C2: variants seen among roughly 807,000 people sequenced by gnomAD.
The protein encoded by C2 is C3/C5 convertase.
Under a neutral mutation model 85.2 loss-of-function variants are expected in C2, and 64 were observed. The observed-to-expected ratio is 0.75, with a 90% confidence interval of 0.61 to 0.92. The LOEUF (loss-of-function observed/expected upper bound fraction) is 0.92. C2 is among the 40% of genes least tolerant of loss of function. The pLI is 0.00. For missense variants in C2, 820 were observed against 971.6 expected (o/e 0.84, Z 2.07); for synonymous variants, 311 against 370.8 (o/e 0.84, Z 1.85).
rs775310958 is a variant in C2 at position 31,936,078 on chromosome 6, G to A, written c.988+17G>A. ...ACTATAAAGGTACGGGTGTCATCAC[G>A]TGATGGTGATGAGAGAGGAGAAGAT... On this transcript the variant is annotated intron_variant, in intron 7 of 17. Transcript: ENST00000299367. The A allele has an allele frequency of 1.5e-5, 24 of 1,612,006 alleles. No individual in the cohort carries two copies. The highest frequency in any genetic ancestry group is 2.7e-5 in the African/African-American group (2 of 74,884).
rs552860655 is a variant in C2 at position 31,904,547 on chromosome 6, C to T, written c.73+3408C>T. On this transcript the variant is annotated intron_variant, in intron 1 of 3. Coordinates refer to the C2 transcript ENST00000452202. This position sits in a 1 kb window ranked among gnomAD's most constrained non-coding sequence, Gnocchi z 4.4. ...CAGGCTGGTCTCGAACTCCTGACCTCGGGTGATCCACCTTGCTCAGCCTCC... is the reference window on the plus strand; with the variant it reads ...CAGGCTGGTCTCGAACTCCTGACCTTGGGTGATCCACCTTGCTCAGCCTCC... 4.6e-5 allele frequency among the ~76,000 whole-genome samples: 7 copies of T among 152,100 alleles called. No homozygotes were observed. In the East Asian group the frequency reaches 9.7e-4, roughly 21 times the overall value.
chr6:31,932,669 C>A (rs1042205742), intron 3 of C2, among the ~76,000 whole-genome samples: 2 of 150,400 alleles, frequency 1.3e-5, no homozygotes, highest in Non-Finnish European at 3.0e-5. Flanking sequence ...ACATCCCAGA[C>A]GATGGGTGGC....
chr6:31,943,956 T>C lies in C2; in HGVS notation c.1773T>C (p.Ala591=), dbSNP rs1441198891. 2 of 1,612,982 alleles carry C rather than the reference T, an allele frequency of 1.2e-6. No individual in the cohort carries two copies. Among genetic ancestry groups the C allele is most frequent in the Middle Eastern group, 3.3e-4 (2 of 6,062 alleles). Residue 591 remains alanine (A), a synonymous_variant, in exon 14 of 18, where the codon GCT becomes GCC. Coordinates refer to ENST00000299367, the MANE Select transcript of C2 (RefSeq NM_000063.6). This position sits in a 1 kb window ranked among gnomAD's most constrained non-coding sequence, Gnocchi z 6.4. The stretch of plus-strand genomic sequence containing the variant: ...CCTGCACGATGGAGGCCAATCTGGC[T>C]CTGCGGAGACCTCAAGGCAGCACCT... ...CLPCTMEANL[A]LRRPQGSTCR... is the part of the protein sequence containing the mutation.
rs1193733337 is a variant in C2, at chr6:31,927,941, T to A, written c.47-14T>A. On this transcript the variant is annotated splice_polypyrimidine_tract_variant and intron_variant, in intron 1 of 17. Coordinates refer to ENST00000299367, the MANE Select transcript of C2 (RefSeq NM_000063.6). The surrounding 1 kb of genome is among the most constrained non-coding windows in gnomAD (Gnocchi z 4.7). ...TCTTTCTCCATTGCTGTCTCCTTGT[T>A]CCCACGGCTCTAGGTCTGGCAGACT... The A allele has an allele frequency of 1.2e-6, 2 of 1,611,618 alleles. No homozygotes were observed. Among genetic ancestry groups the A allele is most frequent in the Non-Finnish European group, 1.7e-6 (2 of 1,177,648 alleles).
chr6:31,928,925 C>A lies in C2; in HGVS notation c.442+8C>A, dbSNP rs566854031. On this transcript the variant is annotated splice_region_variant and intron_variant, in intron 3 of 17. Coordinates refer to ENST00000299367, the MANE Select transcript of C2 (RefSeq NM_000063.6). ...CTGTGTGTGATAATGGGGGTGAGTT[C>A]TCTGGCTGATGGGCTACACAGGGGG... is the stretch of plus-strand genomic sequence containing the variant. The A allele has an allele frequency of 6.2e-7, 1 of 1,607,838 alleles. No individual in the cohort carries two copies. Among genetic ancestry groups the A allele is most frequent in the South Asian group, 1.1e-5 (1 of 90,214 alleles).
chr6:31,934,001 G>A (rs749839162), intron 5 of C2, 36 bp downstream of exon 5: 5 of 1,590,856 alleles, frequency 3.1e-6, no homozygotes, highest in South Asian at 1.1e-5. Context: ...GTTGAGCAGG[G>A]TGCTGGATCT....
In C2 at chr6:31,922,441, C is replaced by G. The variant is rs1240955046; in HGVS notation, c.-100+2415C>G. ...GCCACTAGAGTGGGGTCGGCCTCTG[C>G]TATATGCCACGTTTCCTCAGAAATT... is the stretch of plus-strand genomic sequence containing the variant. On this transcript the variant is annotated intron_variant, in intron 1 of 3. Coordinates refer to the C2 transcript ENST00000413154. This position sits in a 1 kb window ranked among gnomAD's most constrained non-coding sequence, Gnocchi z 4.8. Among the ~76,000 whole-genome samples, 2 of 152,134 alleles carry G rather than the reference C, an allele frequency of 1.3e-5. No homozygotes were observed. Among genetic ancestry groups the G allele is most frequent in the Admixed American group, 1.3e-4 (2 of 15,272 alleles).
In C2 at chr6:31,932,575, G is replaced by A. The variant is rs1338727142; in HGVS notation, c.443-1035G>A. ...GATGTGATGGCGGCCGGGAAGAGGC[G>A]CTCCTCACTTCCTAGATGGGATGGC... is the stretch of plus-strand genomic sequence containing the variant. On this transcript the variant is annotated intron_variant, in intron 3 of 17. Transcript: ENST00000299367. 2.3e-3 allele frequency: 379 copies of A among 163,962 alleles called. 6 individuals carry two copies. Among genetic ancestry groups the A allele is most frequent in the East Asian group, 8.5e-3 (45 of 5,268 alleles). 10.2% of individuals were successfully genotyped at this position (163,962 alleles called of 1,614,324 possible).
At chr6:31,930,994 CCT>C (rs1278204602) in intron 3 of C2, among the ~76,000 whole-genome samples, 7 of 152,192 alleles carry the variant, frequency 4.6e-5, no homozygotes, top group African/African-American at 9.7e-5. Context: ...GCTCTTCTGA[CCT>C]CTGTCTCCAT....
rs1189945896 is a variant in C2 at position 31,922,189 on chromosome 6, G to T, written c.-100+2163G>T. ...AGCACCCCAGTGATAAGGCCCAAGG[G>T]ATATGGTGGGGCAAGGACAGATCCA... On this transcript the variant is annotated intron_variant, in intron 1 of 3. Transcript: ENST00000413154. This position sits in a 1 kb window ranked among gnomAD's most constrained non-coding sequence, Gnocchi z 4.8. 6.6e-6 allele frequency among the ~76,000 whole-genome samples: 1 copy of T among 152,138 alleles called. No homozygotes were observed. The highest frequency in any genetic ancestry group is 2.4e-5 in the African/African-American group (1 of 41,418).
chr6:31,908,600 C>G (rs545798658), intron 1 of C2, among the ~76,000 whole-genome samples: 67 of 149,706 alleles, frequency 4.5e-4, no homozygotes, highest in Non-Finnish European at 6.9e-4. Context: ...TGTAATGAGC[C>G]GAGATTGCAC....
upstream of C2, chr6:31,900,565 G>A: frequency 6.2e-7 from 1 of 1,612,056 alleles, no homozygotes; most frequent in Non-Finnish European, 8.5e-7. This position sits in a 1 kb window ranked among gnomAD's most constrained non-coding sequence, Gnocchi z 9.7. Context: ...CGCTGCTCTG[G>A]GCCAGCTCCC....
chr6:31,924,894 C>T (rs1769175662), upstream of C2, among the ~76,000 whole-genome samples: 1 of 152,170 alleles, frequency 6.6e-6, no homozygotes, highest in South Asian at 2.1e-4. Flanking sequence ...TTCTATGCCT[C>T]CAGTCTTAAA....
chr6:31,911,778 T>A (rs1254976766), intron 1 of C2, among the ~76,000 whole-genome samples: 1 of 151,752 alleles, frequency 6.6e-6, no homozygotes, highest in African/African-American at 2.4e-5. Context: ...TACAGGCACA[T>A]GCCACCACGC....
At position 31,927,777 on chromosome 6, in the gene C2, T is replaced by C. The variant is rs1321735582; in HGVS notation, c.25T>C (p.Cys9Arg). 3 of 1,613,606 alleles carry C rather than the reference T, an allele frequency of 1.9e-6. No individual in the cohort carries two copies. The highest frequency in any genetic ancestry group is 2.2e-5 in the South Asian group (2 of 91,092). MGPLMVLF[C>R]LLFLYPGLAD... The stretch of plus-strand genomic sequence containing the variant: ...CATGGGCCCACTGATGGTTCTTTTT[T>C]GCCTGCTGTTCCTGTACCCAGGTAG... Residue 9 changes from cysteine to arginine, a missense_variant, in exon 1 of 18, where the codon TGC becomes CGC. Transcript: ENST00000299367. This position sits in a 1 kb window ranked among gnomAD's most constrained non-coding sequence, Gnocchi z 4.7.
chr6:31,900,211 G>C (rs1472815242), upstream of C2: 6 of 1,614,040 alleles, frequency 3.7e-6, no homozygotes, highest in Non-Finnish European at 5.1e-6. This position sits in a 1 kb window ranked among gnomAD's most constrained non-coding sequence, Gnocchi z 9.7. Context: ...TGAACTGCTT[G>C]CCACAGCGAG....
At chr6:31,930,421 G>A (rs752334565) in intron 3 of C2, among the ~76,000 whole-genome samples, 4 of 152,182 alleles carry the variant, frequency 2.6e-5, no homozygotes, top group Non-Finnish European at 5.9e-5. Flanking sequence ...TCGCTGTGTT[G>A]CCAAGGCTGG....
Position 31,942,963 on chromosome 6 carries a change from C to T in C2, c.1224C>T (p.Ile408=), listed in dbSNP as rs376141297. The part of the protein sequence containing the change: ...INQKRNDYLD[I]YAIGVGKLDV... ...GATTTCCCTCTTCCCCACCAGACAT[C>T]TATGCCATCGGGGTGGGCAAGCTGG... Residue 408 remains isoleucine (I), a synonymous_variant, in exon 10 of 18, where the codon ATC becomes ATT. Coordinates refer to ENST00000299367, the MANE Select transcript of C2 (RefSeq NM_000063.6). The T allele has an allele frequency of 6.2e-7, 1 of 1,613,098 alleles. No homozygotes were observed. The highest frequency in any genetic ancestry group is 1.1e-5 in the South Asian group (1 of 91,086).
intron 7 of C2, 72 bp from the exon 8 acceptor site, chr6:31,937,247 T>C: frequency 1.4e-6 from 2 of 1,453,032 alleles, no homozygotes; most frequent in Non-Finnish European, 1.9e-6. Flanking sequence ...ATTGGGGGAA[T>C]AGAGTGATTC....
Sources: gnomAD v4.1 joint callset for allele counts (sites outside exome capture counted in the v4.1 genomes callset) on GRCh38, gnomAD v4.1.1 for gene constraint, Gnocchi (gnomAD v3.1) non-coding constraint, MANE v1.5 for transcripts, NCBI Gene and HGNC (gene_info 2026-07-23, HGNC 2026-07-21) for gene names.